TANK: variants seen among roughly 807,000 people sequenced by gnomAD.
TANK encodes TRAF family member-associated NF-kappa-B activator.
Under a neutral mutation model 43.6 loss-of-function variants are expected in TANK, and 15 were observed. The observed-to-expected ratio is 0.34, with a 90% CI of 0.23 to 0.53. The LOEUF (loss-of-function observed/expected upper bound fraction) is 0.53. Ranked by LOEUF, TANK falls within the 20% of genes least tolerant of loss-of-function variation. The pLI is 0.94. For missense variants in TANK, 417 were observed against 498.6 expected (o/e 0.84, Z 1.56); for synonymous variants, 162 against 178.2 (o/e 0.91, Z 0.73).
intron 1 of TANK, among the ~76,000 whole-genome samples, chr2:161,172,941 C>T (rs1358875276): frequency 6.6e-6 from 1 of 152,186 alleles, no homozygotes; most frequent in East Asian, 1.9e-4. Context: ...CTCACTTTGT[C>T]TCCCTCGCTA....
At chr2:161,233,126 A>G (rs961710729) in intron 7 of TANK, among the ~76,000 whole-genome samples, 4 of 152,160 alleles carry the variant, frequency 2.6e-5, no homozygotes, top group African/African-American at 7.2e-5. Flanking sequence ...GTTCATGCCT[A>G]TAATCCCAGC....
At chr2:161,211,797 C>A (rs978948981) in intron 4 of TANK, 1 of 985,282 alleles carries the variant, frequency 1.0e-6, no homozygotes. Context: ...GCTTAGAGAA[C>A]TGGAGAAAAA....
intron 4 of TANK, chr2:161,219,712 T>G (rs577915984): frequency 5.3e-5 from 24 of 454,764 alleles, no homozygotes; most frequent in South Asian, 3.6e-4. Flanking sequence ...TTTCACTTTC[T>G]CCCTGATTCA....
At chr2:161,182,845 G>T (rs1046947383) in intron 2 of TANK, among the ~76,000 whole-genome samples, 4 of 152,124 alleles carry the variant, frequency 2.6e-5, no homozygotes. Flanking sequence ...AGAGTATGCA[G>T]CAAGACCCTC....
chr2:161,160,204 C>T (rs1021714634), upstream of TANK: 4 of 387,024 alleles, frequency 1.0e-5, no homozygotes, highest in African/African-American at 8.4e-5. Context: ...ATAGGATTCT[C>T]TTCCGCTGCT....
chr2:161,160,663 C>T (rs528117498), intron 1 of TANK, 177 bp downstream of exon 1: 2 of 481,060 alleles, frequency 4.2e-6, no homozygotes, highest in South Asian at 7.2e-5. Context: ...CGGGAGAAAC[C>T]ACGCGAGTCC....
In TANK at chr2:161,146,538, CTGTT is replaced by C. The variant is rs543557510; in HGVS notation, c.-50+9485_-50+9488del. On this transcript the variant is annotated intron_variant, in intron 1 of 7. Coordinates refer to the TANK transcript ENST00000259075. ...TTGTTGATGCTGTTGTTGTTGCTGT[CTGTT>C]TGTTTGTTTTTCTTTCAAAGGTCAG... 5.6e-3 allele frequency among the ~76,000 whole-genome samples: 848 copies of C among 152,156 alleles called. 5 individuals are homozygous for C. The highest frequency in any genetic ancestry group is 0.018 in the African/African-American group (741 of 41,510).
At chr2:161,230,581 A>G (rs1198294191) in intron 6 of TANK, among the ~76,000 whole-genome samples, 3 of 152,230 alleles carry the variant, frequency 2.0e-5, no homozygotes, top group South Asian at 4.1e-4. Context: ...AGATATACCT[A>G]GTAAGATTTT....
At chr2:161,182,519 A>C (rs994290952) in intron 2 of TANK, among the ~76,000 whole-genome samples, 7 of 152,122 alleles carry the variant, frequency 4.6e-5, no homozygotes, top group Non-Finnish European at 1.0e-4. Context: ...TTAACATCCA[A>C]ATGAAGAGAC....
At chr2:161,215,075 A>G (rs1465278614) in intron 4 of TANK, among the ~76,000 whole-genome samples, 1 of 152,156 alleles carries the variant, frequency 6.6e-6, no homozygotes, top group Non-Finnish European at 1.5e-5. Flanking sequence ...AGATTCTTGT[A>G]TTCCTGACAT....
At chr2:161,174,603 T>C (rs528306007) in intron 1 of TANK, among the ~76,000 whole-genome samples, 1 of 152,304 alleles carries the variant, frequency 6.6e-6, no homozygotes, top group East Asian at 1.9e-4. Context: ...AGTTTGGTAA[T>C]GTTATACAAT....
chr2:161,147,652 T>C (rs538792898), intron 1 of TANK, among the ~76,000 whole-genome samples: 1 of 151,108 alleles, frequency 6.6e-6, no homozygotes, highest in Non-Finnish European at 1.5e-5. Flanking sequence ...GCCTGGTCAG[T>C]TCTGATGACA....
At chr2:161,178,725 G>A (rs983166974) in intron 1 of TANK, among the ~76,000 whole-genome samples, 1 of 152,198 alleles carries the variant, frequency 6.6e-6, no homozygotes, top group Non-Finnish European at 1.5e-5. Context: ...AACAAAAGAT[G>A]TTATGACAGA....
At chr2:161,153,766 TA>T (rs1684146267) in intron 1 of TANK, among the ~76,000 whole-genome samples, 1 of 149,868 alleles carries the variant, frequency 6.7e-6, no homozygotes, top group Non-Finnish European at 1.5e-5. Context: ...TATTACCCAA[TA>T]TTTACTGCAG....
At chr2:161,160,524 C>A in intron 1 of TANK, 38 bp downstream of exon 1, 1 of 1,282,784 alleles carries the variant, frequency 7.8e-7, no homozygotes, top group South Asian at 2.6e-5. Context: ...TGTCCGAATC[C>A]GTCAAGCACG....
At chr2:161,187,543 G>A (rs1341604349) in intron 2 of TANK, among the ~76,000 whole-genome samples, 4 of 152,222 alleles carry the variant, frequency 2.6e-5, no homozygotes, top group Admixed American at 6.5e-5. Context: ...TGCATCATAT[G>A]CCAGAGCTCC....
chr2:161,209,123 GA>G (rs1686772573), intron 4 of TANK, among the ~76,000 whole-genome samples: 1 of 152,052 alleles, frequency 6.6e-6, no homozygotes, highest in Non-Finnish European at 1.5e-5. Context: ...ATCCTAAAGG[GA>G]AAAAATATCA....
At chr2:161,190,305 T>C (rs1196595148) in intron 2 of TANK, among the ~76,000 whole-genome samples, 1 of 152,080 alleles carries the variant, frequency 6.6e-6, no homozygotes, top group African/African-American at 2.4e-5. Context: ...GCAAAATAAG[T>C]GTTGGCAAGG....
intron 7 of TANK, among the ~76,000 whole-genome samples, chr2:161,233,760 A>C (rs1688038298): frequency 1.3e-5 from 2 of 152,026 alleles, no homozygotes; most frequent in Non-Finnish European, 2.9e-5. Flanking sequence ...CTTCTGATTT[A>C]ATTTCTTACT....
Sources: gnomAD v4.1 joint callset for allele counts (sites outside exome capture counted in the v4.1 genomes callset) on GRCh38, gnomAD v4.1.1 for gene constraint, MANE v1.5 for transcripts, NCBI Gene and HGNC (gene_info 2026-07-23, HGNC 2026-07-21) for gene names.